The following CNTN5 variants were observed in gnomAD, a reference collection of about 807,000 sequenced individuals.
CNTN5 encodes the protein contactin 5.
Under a neutral mutation model 129.1 loss-of-function variants are expected in CNTN5, and 77 were observed. The observed-to-expected ratio is 0.60, with a 90% CI of 0.50 to 0.72. The LOEUF is 0.72. CNTN5 is among the 30% of genes least tolerant of loss of function. The pLI, the probability that CNTN5 is intolerant of heterozygous loss-of-function variation, is 0.00. For missense variants in CNTN5, 1,478 were observed against 1,328.8 expected, an observed-to-expected ratio of 1.11 and a Z score of -1.75; for synonymous variants, 509 against 465.6, an observed-to-expected ratio of 1.09 and a Z score of -1.20.
At chr11:100,165,130 T>C (rs1392872349) in intron 13 of CNTN5, among the ~76,000 whole-genome samples, 1 of 151,456 alleles carries the variant, frequency 6.6e-6, no homozygotes, top group Non-Finnish European at 1.5e-5. Context: ...GCAGCAAAAA[T>C]AAAAAATTAA....
chr11:99,843,500 G>T (rs4754647), intron 4 of CNTN5, among the ~76,000 whole-genome samples: 92,175 of 151,718 alleles, frequency 0.61, 28,395 homozygotes, highest in East Asian at 0.87. Context: ...CTTTTTTTCT[G>T]AATATTTTCT....
rs1156912879 is a variant in CNTN5 at position 99,737,136 on chromosome 11, CACACACAA to C, written c.56-82400_56-82393del. Among the ~76,000 whole-genome samples the C allele has an allele frequency of 3.0e-3, 434 of 146,716 alleles. 4 individuals are homozygous for C. Among genetic ancestry groups the C allele is most frequent in the African/African-American group, 0.01 (369 of 36,674 alleles). ...AACCACCCTGTAACACACATGCACA[CACACACAA>C]ACACACACACACACACACGCACACG... On this transcript the variant is annotated intron_variant, in intron 3 of 24. Coordinates refer to ENST00000524871, the MANE Select transcript of CNTN5 (RefSeq NM_014361.4).
intron 13 of CNTN5, among the ~76,000 whole-genome samples, chr11:100,154,256 C>G (rs997556818): frequency 6.6e-6 from 1 of 152,090 alleles, no homozygotes; most frequent in Non-Finnish European, 1.5e-5. Flanking sequence ...CAGCGTCATC[C>G]ATGTCCCTGC....
chr11:99,896,356 C>G (rs1949206409), intron 6 of CNTN5, among the ~76,000 whole-genome samples: 1 of 152,152 alleles, frequency 6.6e-6, no homozygotes, highest in South Asian at 2.1e-4. Context: ...CTGATAGGCC[C>G]TCTGTGATCA....
chr11:99,554,337 GA>G (rs1162871366), intron 2 of CNTN5, among the ~76,000 whole-genome samples: 1 of 151,994 alleles, frequency 6.6e-6, no homozygotes. Flanking sequence ...CTTTATCTAA[GA>G]CCAATAACTC....
intron 4 of CNTN5, among the ~76,000 whole-genome samples, chr11:99,827,866 G>A (rs976546361): frequency 4.0e-5 from 6 of 151,866 alleles, no homozygotes; most frequent in African/African-American, 1.5e-4. Context: ...TTCTTTGATC[G>A]GTCAATAACA....
At chr11:99,581,748 C>A (rs1949603260) in intron 3 of CNTN5, among the ~76,000 whole-genome samples, 1 of 152,110 alleles carries the variant, frequency 6.6e-6, no homozygotes, top group Non-Finnish European at 1.5e-5. Context: ...GATGGGTTTC[C>A]TGAATACAGC....
At chr11:99,467,310 T>A (rs1057493108) in intron 2 of CNTN5, among the ~76,000 whole-genome samples, 14 of 152,160 alleles carry the variant, frequency 9.2e-5, no homozygotes, top group Non-Finnish European at 2.1e-4. Context: ...GTTTTTACTA[T>A]TTACTTTATA....
chr11:99,373,574 G>A (rs1039174673), intron 2 of CNTN5, among the ~76,000 whole-genome samples: 27 of 151,908 alleles, frequency 1.8e-4, no homozygotes, highest in Non-Finnish European at 1.6e-4. Flanking sequence ...TTAGCTGGGC[G>A]TGGTGATGCA....
intron 1 of CNTN5, among the ~76,000 whole-genome samples, chr11:99,222,167 A>G (rs1324102780): frequency 1.3e-5 from 2 of 152,046 alleles, no homozygotes; most frequent in South Asian, 4.1e-4. Context: ...TGCATTTTAT[A>G]AATGTGTAAT....
At chr11:99,632,265 A>C (rs999824758) in intron 3 of CNTN5, among the ~76,000 whole-genome samples, 1 of 152,186 alleles carries the variant, frequency 6.6e-6, no homozygotes, top group African/African-American at 2.4e-5. Context: ...AAATAAAATT[A>C]TATACTGTAA....
At chr11:100,046,446 T>C (rs1028669297) in intron 9 of CNTN5, among the ~76,000 whole-genome samples, 1 of 152,204 alleles carries the variant, frequency 6.6e-6, no homozygotes, top group Non-Finnish European at 1.5e-5. Context: ...GATGCATAGA[T>C]ATATATTTTA....
rs1047764435 is a variant in CNTN5, at chr11:99,737,486, C to G, written c.56-82058C>G. On this transcript the variant is annotated intron_variant, in intron 3 of 24. Coordinates refer to ENST00000524871, the MANE Select transcript of CNTN5 (RefSeq NM_014361.4). ...GAAAAAGTGGATAGATATCTAGACT[C>G]AGAATCAGAATTTATTTCTTGGTGT... Among the ~76,000 whole-genome samples, 8 of 152,150 alleles carry G rather than the reference C, an allele frequency of 5.3e-5. No individual in the cohort carries two copies. The East Asian group carries it at 1.6e-3, about 29-fold the overall frequency.
At chr11:99,862,357 A>G (rs1948232638) in intron 6 of CNTN5, among the ~76,000 whole-genome samples, 1 of 29,486 alleles carries the variant, frequency 3.4e-5, no homozygotes, top group South Asian at 2.6e-3. Context: ...ATCTTCGCTT[A>G]TAACAGATGT....
chr11:99,610,760 GT>G (rs1202436536), intron 3 of CNTN5, among the ~76,000 whole-genome samples: 2 of 152,108 alleles, frequency 1.3e-5, no homozygotes, highest in African/African-American at 4.8e-5. Flanking sequence ...CTTAGTTTAG[GT>G]TGTTTTCATT....
At chr11:100,341,410 A>C (rs1386311825) in intron 23 of CNTN5, among the ~76,000 whole-genome samples, 3 of 152,224 alleles carry the variant, frequency 2.0e-5, no homozygotes, top group African/African-American at 7.2e-5. Flanking sequence ...AGGCACAGAA[A>C]GGGAAGGAGT....
chr11:99,211,135 G>C (rs1354106782), intron 1 of CNTN5, among the ~76,000 whole-genome samples: 1 of 152,066 alleles, frequency 6.6e-6, no homozygotes. Flanking sequence ...ACCAAGATAT[G>C]ATCGTAAAAT....
chr11:99,448,381 G>T (rs1342462269), intron 2 of CNTN5, among the ~76,000 whole-genome samples: 2 of 152,152 alleles, frequency 1.3e-5, no homozygotes, highest in Non-Finnish European at 2.9e-5. Context: ...ACATTCTGCT[G>T]CTATTAGCTA....
chr11:99,407,583 C>T (rs1018026651), intron 2 of CNTN5, among the ~76,000 whole-genome samples: 2 of 152,112 alleles, frequency 1.3e-5, no homozygotes, highest in African/African-American at 4.8e-5. Context: ...AGGTCATGTC[C>T]CTCTATCCCC....
Sources: allele counts gnomAD v4.1 joint callset (sites outside exome capture counted in the v4.1 genomes callset), GRCh38; gene constraint gnomAD v4.1.1; transcripts MANE v1.5; gene names NCBI Gene and HGNC (gene_info 2026-07-23, HGNC 2026-07-21).